Variants in SOX5 observed in about 807,000 individuals in gnomAD.
SOX5 encodes transcription factor SOX-5.
Under a neutral mutation model 92.0 loss-of-function variants are expected in SOX5, and 9 were observed. The ratio of observed to expected loss-of-function variants is 0.10; its 90% CI spans 0.06 to 0.17. SOX5 has a LOEUF of 0.17. Among genes scored for constraint, SOX5 ranks in the 10% least tolerant of loss-of-function variants. The pLI is 1.00. For missense variants in SOX5, 642 were observed against 944.5 expected, an observed-to-expected ratio of 0.68 and a Z score of 4.20; for synonymous variants, 344 against 336.3, an observed-to-expected ratio of 1.02 and a Z score of -0.25.
chr12:24,104,409 A>G (rs1381584008), intron 4 of SOX5, among the ~76,000 whole-genome samples: 3 of 152,208 alleles, frequency 2.0e-5, no homozygotes, highest in African/African-American at 7.2e-5. Flanking sequence ...AACTTCTGGG[A>G]AACTAAATAC....
chr12:23,598,688 C>A (rs987063038), intron 9 of SOX5, among the ~76,000 whole-genome samples: 1 of 152,044 alleles, frequency 6.6e-6, no homozygotes, highest in South Asian at 2.1e-4. Flanking sequence ...TGTGAGCCAA[C>A]GCACCCGGCC....
intron 4 of SOX5, among the ~76,000 whole-genome samples, chr12:24,054,510 G>A (rs1441326878): frequency 6.6e-6 from 1 of 152,096 alleles, no homozygotes; most frequent in African/African-American, 2.4e-5. Context: ...CACAACAAAT[G>A]GTCAATGATG....
intron 4 of SOX5, among the ~76,000 whole-genome samples, chr12:24,101,729 G>A (rs1409535044): frequency 1.3e-5 from 2 of 152,090 alleles, no homozygotes; most frequent in African/African-American, 2.4e-5. Context: ...TTTCCAACCT[G>A]GTTCCTCCTA....
At chr12:23,930,433 T>C (rs1465820006) in intron 1 of SOX5, among the ~76,000 whole-genome samples, 2 of 151,730 alleles carry the variant, frequency 1.3e-5, no homozygotes, top group African/African-American at 2.4e-5. Context: ...TATATATTTA[T>C]AGAGGGAGGA....
intron 2 of SOX5, among the ~76,000 whole-genome samples, chr12:24,326,141 G>A (rs1950656687): frequency 6.6e-6 from 1 of 152,178 alleles, no homozygotes; most frequent in Middle Eastern, 3.2e-3. Flanking sequence ...ATCTGGCACA[G>A]AGTGGGTGGG....
intron 4 of SOX5, among the ~76,000 whole-genome samples, chr12:24,146,680 C>G (rs2648023): frequency 2.7e-5 from 4 of 148,858 alleles, no homozygotes; most frequent in African/African-American, 9.9e-5. Flanking sequence ...AAACTAAGAT[C>G]TGATTCTTTG....
At chr12:24,403,808 A>G (rs193099386) in intron 1 of SOX5, among the ~76,000 whole-genome samples, 2 of 152,356 alleles carry the variant, frequency 1.3e-5, no homozygotes, top group East Asian at 1.9e-4. Context: ...TCAGTAAGTA[A>G]GCACCTATTA....
chr12:24,348,238 T>C (rs543659630), intron 2 of SOX5, among the ~76,000 whole-genome samples: 1 of 151,984 alleles, frequency 6.6e-6, no homozygotes, highest in Non-Finnish European at 1.5e-5. Flanking sequence ...TCTTTGGAAA[T>C]AAAGCCAAAA....
Position 23,895,874 on chromosome 12 carries a change from G to T in SOX5, c.189C>A (p.His63Gln), listed in dbSNP as rs1229139279. ...GAGAAACTGGCTGAAATTCCTCAGA[G>T]TGAGGCTTGTTGGGAAAACTCACAT... ...PLHVSFPNKPHSEEFQPVSLL... is the reference protein window; with the variant it reads ...PLHVSFPNKPQSEEFQPVSLL... The change falls in exon 2 of 15, where the codon CAC becomes CAA. Residue 63 changes from histidine to glutamine, a missense_variant. Around this residue, in one of 8 missense-constraint regions of SOX5, gnomAD observed 113 missense variants for 117.7 expected, o/e 0.96. Coordinates refer to ENST00000451604, the MANE Select transcript of SOX5 (RefSeq NM_006940.6). 10 of 1,614,044 alleles carry T rather than the reference G, an allele frequency of 6.2e-6. No individual in the cohort carries two copies. The Admixed American group carries it at 1.5e-4, about 24-fold the overall frequency.
At chr12:23,923,345 A>G (rs1939022779) in intron 1 of SOX5, among the ~76,000 whole-genome samples, 1 of 150,584 alleles carries the variant, frequency 6.6e-6, no homozygotes, top group Non-Finnish European at 1.5e-5. Context: ...GTAAAAGCAT[A>G]ATGTAAGCTA....
chr12:23,813,434 G>A (rs1330870170), intron 3 of SOX5, among the ~76,000 whole-genome samples: 2 of 152,090 alleles, frequency 1.3e-5, no homozygotes, highest in African/African-American at 4.8e-5. Context: ...AAAGGAGGGT[G>A]CAGATGCATC....
intron 5 of SOX5, among the ~76,000 whole-genome samples, chr12:23,735,715 G>C (rs1487265766): frequency 6.6e-6 from 1 of 152,160 alleles, no homozygotes; most frequent in Non-Finnish European, 1.5e-5. Flanking sequence ...CTAAATTTGA[G>C]ATTTAGCCTC....
chr12:24,336,606 A>C (rs1373773633), intron 2 of SOX5, among the ~76,000 whole-genome samples: 1 of 152,200 alleles, frequency 6.6e-6, no homozygotes, highest in African/African-American at 2.4e-5. Flanking sequence ...AACATTTAAG[A>C]AATTTTCATA....
intron 2 of SOX5, among the ~76,000 whole-genome samples, chr12:24,340,085 T>A (rs1404668785): frequency 2.0e-5 from 3 of 152,202 alleles, no homozygotes; most frequent in African/African-American, 7.2e-5. Flanking sequence ...TCCAGTCCTG[T>A]TAGCCTCCTC....
intron 1 of SOX5, among the ~76,000 whole-genome samples, chr12:24,466,551 T>A (rs1187687139): frequency 6.6e-6 from 1 of 152,146 alleles, no homozygotes; most frequent in East Asian, 1.9e-4. Flanking sequence ...TATTTAGGGG[T>A]CCAGACAGCC....
At chr12:23,596,445 T>C (rs1823262555) in intron 9 of SOX5, among the ~76,000 whole-genome samples, 1 of 152,196 alleles carries the variant, frequency 6.6e-6, no homozygotes. Context: ...TCTTCTTTTA[T>C]GAATAAGTAA....
intron 8 of SOX5, among the ~76,000 whole-genome samples, chr12:23,631,780 T>C (rs1456788307): frequency 6.6e-6 from 1 of 152,150 alleles, no homozygotes; most frequent in Non-Finnish European, 1.5e-5. Context: ...ACACGTGTAC[T>C]GATGTTTCTG....
At chr12:23,646,033 T>TA (rs796266085) in intron 7 of SOX5, among the ~76,000 whole-genome samples, 1 of 152,180 alleles carries the variant, frequency 6.6e-6, no homozygotes, top group African/African-American at 2.4e-5. Context: ...ACTTTATTGC[T>TA]AAAAAATGCT....
At chr12:23,770,503 C>CA (rs1245312187) in intron 3 of SOX5, among the ~76,000 whole-genome samples, 6 of 151,282 alleles carry the variant, frequency 4.0e-5, no homozygotes, top group South Asian at 4.2e-4. Flanking sequence ...GAGAGAGCGA[C>CA]AAAAAAATTA....
Sources: allele counts gnomAD v4.1 joint callset (sites outside exome capture counted in the v4.1 genomes callset), GRCh38; gene constraint gnomAD v4.1.1; regional missense constraint gnomAD v4.1.1; transcripts MANE v1.5; gene names NCBI Gene and HGNC (gene_info 2026-07-23, HGNC 2026-07-21).